RNFT2: variants seen among roughly 807,000 people sequenced by gnomAD.
The protein encoded by RNFT2 is ring finger protein, transmembrane 2.
A neutral mutation model predicts 53.0 loss-of-function variants in RNFT2; 36 were observed. The observed-to-expected ratio is 0.68, with a 90% CI of 0.52 to 0.90. RNFT2 has a LOEUF of 0.90. Ranked by LOEUF, RNFT2 falls within the 40% of genes least tolerant of loss-of-function variation. RNFT2 has a pLI of 0.00. For synonymous variants in RNFT2, 260 were observed against 253.2 expected (o/e 1.03, Z -0.26); for missense variants, 514 against 585.6 (o/e 0.88, Z 1.26).
chr12:116,816,486 A>G (rs956578222), intron 7 of RNFT2, among the ~76,000 whole-genome samples: 3 of 152,150 alleles, frequency 2.0e-5, no homozygotes. Flanking sequence ...GAGCAGAGAG[A>G]GGATCTTTAT....
intron 7 of RNFT2, among the ~76,000 whole-genome samples, chr12:116,815,844 G>A (rs541450710): frequency 2.1e-4 from 32 of 151,370 alleles, no homozygotes; most frequent in East Asian, 1.6e-3. Flanking sequence ...ATATGACTTC[G>A]GCAAAGTCAC....
At chr12:116,830,456 C>T (rs1181163434) in intron 7 of RNFT2, among the ~76,000 whole-genome samples, 1 of 151,970 alleles carries the variant, frequency 6.6e-6, no homozygotes, top group Admixed American at 6.6e-5. Flanking sequence ...CCCAGATAAT[C>T]TTTTAATTTT....
intron 7 of RNFT2, among the ~76,000 whole-genome samples, chr12:116,780,560 A>G (rs1466659168): frequency 6.6e-6 from 1 of 150,888 alleles, no homozygotes; most frequent in Non-Finnish European, 1.5e-5. Flanking sequence ...CAGCCCCAGG[A>G]CCCCTGGTTT....
At chr12:116,841,635 C>G (rs988540066) in intron 10 of RNFT2, among the ~76,000 whole-genome samples, 7 of 149,642 alleles carry the variant, frequency 4.7e-5, no homozygotes, top group Admixed American at 1.4e-4. Flanking sequence ...GTAGTCCCAG[C>G]TACTCGGGAG....
chr12:116,782,079 C>CAAACAAAAAAAAA (rs1566079526), intron 7 of RNFT2: 1 of 34,348 alleles, frequency 2.9e-5, no homozygotes, highest in African/African-American at 1.0e-4. Context: ...ACTCCGTCTC[C>CAAACAAAAAAAAA]AAAAAAAAAA....
In RNFT2 at chr12:116,808,878, C is replaced by T. The variant is rs184413436; in HGVS notation, c.883-24914C>T. On this transcript the variant is annotated intron_variant, in intron 7 of 10. Transcript: ENST00000257575. Reference sequence around the variant, plus strand: ...CCCACTCTCACCCCCAGCACTGGGCCGTTGGAAATCGACCTCCAGGTTGAA... The same window carrying T: ...CCCACTCTCACCCCCAGCACTGGGCTGTTGGAAATCGACCTCCAGGTTGAA... Among the ~76,000 whole-genome samples, 39 of 152,220 alleles carry T rather than the reference C, an allele frequency of 2.6e-4. No homozygotes were observed. In the South Asian group the frequency reaches 3.5e-3, roughly 14 times the overall value.
intron 4 of RNFT2, among the ~76,000 whole-genome samples, chr12:116,751,260 C>G (rs149960706): frequency 1.9e-3 from 283 of 151,702 alleles, no homozygotes; most frequent in Non-Finnish European, 3.5e-3. Context: ...AACATAGAGC[C>G]TGAATTGAAA....
intron 6 of RNFT2, among the ~76,000 whole-genome samples, chr12:116,771,761 G>C (rs1219391992): frequency 6.6e-6 from 1 of 151,996 alleles, no homozygotes; most frequent in Non-Finnish European, 1.5e-5. Flanking sequence ...GGGGCAAGTG[G>C]GGAGGCAAAG....
chr12:116,832,146 A>ATATAT (rs59112507), intron 7 of RNFT2, among the ~76,000 whole-genome samples: 5,191 of 70,084 alleles, frequency 0.074, 142 homozygotes, highest in Middle Eastern at 0.15. Context: ...AAAAAAAAAA[A>ATATAT]AAATATATAT....
chr12:116,841,651 G>A (rs567622750), intron 10 of RNFT2, among the ~76,000 whole-genome samples: 1 of 148,882 alleles, frequency 6.7e-6, no homozygotes, highest in South Asian at 2.1e-4. Context: ...GGGAGTCTAG[G>A]GCAGGAGAGT....
At chr12:116,791,507 G>A (rs760822290) in intron 7 of RNFT2, among the ~76,000 whole-genome samples, 14 of 152,064 alleles carry the variant, frequency 9.2e-5, no homozygotes, top group South Asian at 8.3e-4. Context: ...ATGGGGTTTC[G>A]CCATGTAGGC....
intron 1 of RNFT2, among the ~76,000 whole-genome samples, chr12:116,739,701 T>C (rs1217479567): frequency 6.6e-6 from 1 of 152,118 alleles, no homozygotes; most frequent in African/African-American, 2.4e-5. Flanking sequence ...GAAGGGCCAC[T>C]GTGGGTGGAC....
intron 5 of RNFT2, 55 bp downstream of exon 5, chr12:116,754,115 G>A: frequency 1.4e-6 from 2 of 1,413,728 alleles, no homozygotes; most frequent in South Asian, 1.1e-5. Context: ...TAAGCCACAA[G>A]CCAGGCACAG....
At chr12:116,797,728 C>T (rs1191310021) in intron 7 of RNFT2, among the ~76,000 whole-genome samples, 8 of 149,998 alleles carry the variant, frequency 5.3e-5, no homozygotes, top group African/African-American at 9.7e-5. Flanking sequence ...GTTACAGCAC[C>T]GTGACTACTC....
intron 7 of RNFT2, among the ~76,000 whole-genome samples, chr12:116,832,148 A>ATATATATATATATATATAT (rs56674314): frequency 2.2e-4 from 12 of 55,166 alleles, no homozygotes; most frequent in East Asian, 5.3e-4. Flanking sequence ...AAAAAAAAAA[A>ATATATATATATATATATAT]ATATATATAT....
chr12:116,814,511 G>A (rs1310358623), intron 7 of RNFT2, among the ~76,000 whole-genome samples: 2 of 152,036 alleles, frequency 1.3e-5, no homozygotes, highest in African/African-American at 2.4e-5. Context: ...TCCAGGCTGG[G>A]GAAACAGCAT....
chr12:116,751,042 G>A (rs1050698501), intron 4 of RNFT2, among the ~76,000 whole-genome samples: 6 of 150,350 alleles, frequency 4.0e-5, no homozygotes, highest in African/African-American at 1.5e-4. Context: ...AGCCTCCTGA[G>A]TAGCTGGGAC....
chr12:116,746,222 G>C (rs1369006793), intron 3 of RNFT2, among the ~76,000 whole-genome samples: 1 of 152,164 alleles, frequency 6.6e-6, no homozygotes. Flanking sequence ...GGGTGACAGA[G>C]GGAGACCCTG....
rs11377177 is a variant in RNFT2, at chr12:116,753,148, CTTTTTTTTTTT to C, written c.551-826_551-816del. Among the ~76,000 whole-genome samples, 467 of 93,708 alleles carry C rather than the reference CTTTTTTTTTTT, an allele frequency of 5.0e-3. 3 individuals carry two copies. Among genetic ancestry groups the C allele is most frequent in the African/African-American group, 0.017 (393 of 22,758 alleles). The allele number at this position is 93,708 out of a possible 152,430, so 61.5% of individuals were successfully genotyped here. A position where few individuals can be genotyped will look rare whatever the true frequency, so the allele number is the denominator to read the frequency against. On this transcript the variant is annotated intron_variant, in intron 4 of 10. Transcript: ENST00000257575. ...TTTTTTCTTTTTCTTTTTTCTTTTT[CTTTTTTTTTTT>C]TTTTTTTTTGAGACAGAGTCTTGCT...
Sources: allele counts gnomAD v4.1 joint callset (sites outside exome capture counted in the v4.1 genomes callset), GRCh38; gene constraint gnomAD v4.1.1; transcripts MANE v1.5; gene names NCBI Gene and HGNC (gene_info 2026-07-23, HGNC 2026-07-21).